The following RBFOX1 variants were observed in gnomAD, a reference collection of about 807,000 sequenced individuals.
The protein encoded by RBFOX1 is RNA binding protein fox-1 homolog 1.
In RBFOX1, 8 loss-of-function variants were observed where a neutral mutation model predicts 57.7. That is an observed-to-expected ratio of 0.14 (90% CI 0.08 to 0.25). RBFOX1 has a LOEUF of 0.25. Among genes scored for constraint, RBFOX1 ranks in the 10% least tolerant of loss-of-function variants. The pLI, the probability that RBFOX1 is intolerant of heterozygous loss-of-function variation, is 1.00. For missense variants in RBFOX1, 611 were observed against 548.5 expected (o/e 1.11, Z -1.14); for synonymous variants, 326 against 222.4 (o/e 1.47, Z -4.15).
intron 5 of RBFOX1, among the ~76,000 whole-genome samples, chr16:7,530,484 C>G (rs1324516461): frequency 6.6e-6 from 1 of 150,460 alleles, no homozygotes; most frequent in East Asian, 2.0e-4. Flanking sequence ...CTTATTCTCA[C>G]AAAGACTTCC....
intron 1 of RBFOX1, among the ~76,000 whole-genome samples, chr16:6,237,747 AAAAC>A (rs1221026657): frequency 1.3e-5 from 2 of 152,072 alleles, no homozygotes; most frequent in Non-Finnish European, 2.9e-5. Context: ...TCTCAAAAAT[AAAAC>A]AAAATAAAAT....
chr16:6,054,398 T>C (rs986912111), intron 1 of RBFOX1, among the ~76,000 whole-genome samples: 3 of 152,212 alleles, frequency 2.0e-5, no homozygotes, highest in Non-Finnish European at 4.4e-5. Context: ...GTATCAACCA[T>C]TGATTTAAAC....
intron 3 of RBFOX1, among the ~76,000 whole-genome samples, chr16:5,783,362 T>G (rs2054390211): frequency 6.6e-6 from 1 of 152,242 alleles, no homozygotes; most frequent in Non-Finnish European, 1.5e-5. Flanking sequence ...CATGTTTTGA[T>G]TTCTGTTTCT....
chr16:5,681,612 C>T (rs890378041), intron 3 of RBFOX1, among the ~76,000 whole-genome samples: 1 of 151,774 alleles, frequency 6.6e-6, no homozygotes, highest in Non-Finnish European at 1.5e-5. Context: ...AGGCTGGACT[C>T]GAACTCCCGA....
At chr16:6,559,453 TAGAA>T (rs1439059031) in intron 2 of RBFOX1, among the ~76,000 whole-genome samples, 1 of 152,106 alleles carries the variant, frequency 6.6e-6, no homozygotes, top group African/African-American at 2.4e-5. Flanking sequence ...TCTTCTCTTT[TAGAA>T]AGAGGAGAAG....
chr16:6,523,870 T>C (rs1243671164), intron 2 of RBFOX1, among the ~76,000 whole-genome samples: 2 of 152,192 alleles, frequency 1.3e-5, no homozygotes, highest in African/African-American at 2.4e-5. Context: ...TTATATTTAA[T>C]TTTTATGAGT....
chr16:6,762,336 T>C (rs2076722831), intron 3 of RBFOX1, among the ~76,000 whole-genome samples: 1 of 152,206 alleles, frequency 6.6e-6, no homozygotes, highest in South Asian at 2.1e-4. Context: ...TATGTCAATG[T>C]TGGCTTTTTC....
intron 3 of RBFOX1, among the ~76,000 whole-genome samples, chr16:5,685,766 C>T (rs1467976308): frequency 6.6e-6 from 1 of 152,052 alleles, no homozygotes; most frequent in East Asian, 1.9e-4. Flanking sequence ...GTTGGTATGC[C>T]CTCTTTGCAG....
intron 3 of RBFOX1, among the ~76,000 whole-genome samples, chr16:5,620,458 C>T (rs1412806746): frequency 6.6e-6 from 1 of 152,182 alleles, no homozygotes; most frequent in African/African-American, 2.4e-5. Context: ...CTGATCGCTT[C>T]AACCGGAGAA....
At chr16:6,457,438 T>TGCCCC (rs757540836) in intron 2 of RBFOX1, among the ~76,000 whole-genome samples, 2 of 54,222 alleles carry the variant, frequency 3.7e-5, no homozygotes, top group Non-Finnish European at 7.7e-5. Flanking sequence ...TTTCCGGAAG[T>TGCCCC]CCCCCCCCCC....
intron 3 of RBFOX1, among the ~76,000 whole-genome samples, chr16:7,012,202 G>T (rs868587967): frequency 6.6e-6 from 1 of 152,120 alleles, no homozygotes; most frequent in Admixed American, 6.5e-5. Context: ...AGCTCTTGCG[G>T]GTGTTTTTGT....
At chr16:6,794,992 A>G (rs552742208) in intron 3 of RBFOX1, among the ~76,000 whole-genome samples, 4 of 152,302 alleles carry the variant, frequency 2.6e-5, no homozygotes, top group African/African-American at 9.6e-5. Flanking sequence ...GAGGGCTAAA[A>G]TTCACATCTC....
intron 2 of RBFOX1, among the ~76,000 whole-genome samples, chr16:5,588,693 C>G (rs1177004193): frequency 1.3e-5 from 2 of 152,128 alleles, no homozygotes; most frequent in African/African-American, 4.8e-5. Context: ...TTGGGAGAGG[C>G]ATGAACCACT....
chr16:5,274,250 C>T (rs746306079), intron 1 of RBFOX1, among the ~76,000 whole-genome samples: 21 of 152,100 alleles, frequency 1.4e-4, no homozygotes, highest in Non-Finnish European at 2.5e-4. Flanking sequence ...GTTAGGTGTT[C>T]AGGTGGGGTT....
At chr16:6,816,219 G>A (rs962167319) in intron 3 of RBFOX1, among the ~76,000 whole-genome samples, 1 of 152,072 alleles carries the variant, frequency 6.6e-6, no homozygotes, top group African/African-American at 2.4e-5. Context: ...ACTGAGGTGA[G>A]GATTGCTTCA....
chr16:6,900,111 G>T (rs1489591306), intron 3 of RBFOX1, among the ~76,000 whole-genome samples: 2 of 152,024 alleles, frequency 1.3e-5, no homozygotes, highest in Non-Finnish European at 2.9e-5. Context: ...TGAAACAAAG[G>T]TTTATTTGAG....
chr16:7,706,471 G>C (rs957006799), intron 14 of RBFOX1, among the ~76,000 whole-genome samples: 1 of 152,220 alleles, frequency 6.6e-6, no homozygotes, highest in East Asian at 1.9e-4. Flanking sequence ...GAAGTATGCA[G>C]TAGGAAAAGG....
intron 3 of RBFOX1, among the ~76,000 whole-genome samples, chr16:5,709,484 G>C (rs1475006085): frequency 6.6e-6 from 1 of 151,908 alleles, no homozygotes; most frequent in African/African-American, 2.4e-5. Context: ...TCCTCCCAAA[G>C]TATCCTAGGG....
chr16:7,105,512 T>C (rs909519459), intron 4 of RBFOX1, among the ~76,000 whole-genome samples: 3 of 152,048 alleles, frequency 2.0e-5, no homozygotes, highest in Non-Finnish European at 4.4e-5. Flanking sequence ...ACAAAGTCCA[T>C]TGTGTCATTC....
Sources: allele counts gnomAD v4.1 joint callset (sites outside exome capture counted in the v4.1 genomes callset), GRCh38; gene constraint gnomAD v4.1.1; transcripts MANE v1.5; gene names NCBI Gene and HGNC (gene_info 2026-07-23, HGNC 2026-07-21).